The following GPATCH2 variants were observed in gnomAD, a reference collection of about 807,000 sequenced individuals.
GPATCH2 encodes G patch domain-containing protein 2.
GPATCH2 carries 51 observed loss-of-function variants against 58.0 expected under a neutral mutation model. The ratio of observed to expected loss-of-function variants is 0.88; its 90% CI spans 0.70 to 1.11. GPATCH2 has a LOEUF of 1.11. Ranked by LOEUF, GPATCH2 falls within the 50% of genes most tolerant of loss-of-function variation. The pLI is 0.00. For missense variants in GPATCH2, 625 were observed against 652.2 expected (o/e 0.96, Z 0.45); for synonymous variants, 222 against 218.5 (o/e 1.02, Z -0.14).
intron 5 of GPATCH2, chr1:217,608,414 T>C (rs1668462195): frequency 1.0e-6 from 1 of 984,768 alleles, no homozygotes; most frequent in South Asian, 4.7e-5. Flanking sequence ...TGAAACTTCA[T>C]CACCTTTTTA....
chr1:217,535,882 A>C (rs918643534), intron 5 of GPATCH2, among the ~76,000 whole-genome samples: 1 of 152,208 alleles, frequency 6.6e-6, no homozygotes, highest in South Asian at 2.1e-4. Context: ...ATTTCAGATT[A>C]GAAAAATGTT....
chr1:217,610,263 T>C, intron 5 of GPATCH2, 58 bp downstream of exon 5: 1 of 1,498,406 alleles, frequency 6.7e-7, no homozygotes, highest in South Asian at 1.1e-5. Flanking sequence ...TGGCTTTTTA[T>C]TCCATAGAAA....
intron 5 of GPATCH2, among the ~76,000 whole-genome samples, chr1:217,538,078 A>C (rs1042009940): frequency 1.3e-5 from 2 of 152,202 alleles, no homozygotes; most frequent in African/African-American, 2.4e-5. Flanking sequence ...ACTTAGATAG[A>C]TTCCTGTAGG....
At chr1:217,509,779 G>C (rs1260020669) in intron 6 of GPATCH2, among the ~76,000 whole-genome samples, 2 of 152,108 alleles carry the variant, frequency 1.3e-5, no homozygotes, top group Non-Finnish European at 2.9e-5. Flanking sequence ...CAAAGTACAA[G>C]ACAAAGTTTC....
intron 5 of GPATCH2, among the ~76,000 whole-genome samples, chr1:217,569,466 G>A (rs548812800): frequency 2.0e-5 from 3 of 152,146 alleles, no homozygotes; most frequent in South Asian, 4.1e-4. Context: ...AGGCTGAGGC[G>A]GGCAGATCAG....
At chr1:217,559,729 C>T (rs1423150195) in intron 5 of GPATCH2, among the ~76,000 whole-genome samples, 1 of 152,114 alleles carries the variant, frequency 6.6e-6, no homozygotes, top group African/African-American at 2.4e-5. Context: ...CAGCCCAGTT[C>T]AGGGAGAAAC....
chr1:217,563,454 G>A (rs940531659), intron 5 of GPATCH2, among the ~76,000 whole-genome samples: 3 of 152,056 alleles, frequency 2.0e-5, no homozygotes, highest in Non-Finnish European at 4.4e-5. Context: ...CCATGATAGT[G>A]AGACAGAAAA....
intron 5 of GPATCH2, among the ~76,000 whole-genome samples, chr1:217,527,659 T>A (rs1663982840): frequency 6.6e-6 from 1 of 152,158 alleles, no homozygotes; most frequent in African/African-American, 2.4e-5. Context: ...TTGGATACTT[T>A]ATTATGTACA....
intron 2 of GPATCH2, among the ~76,000 whole-genome samples, chr1:217,616,762 G>A (rs893074665): frequency 3.3e-5 from 5 of 152,108 alleles, no homozygotes; most frequent in South Asian, 4.2e-4. Context: ...TTTATAACAC[G>A]GTATTTGGAT....
intron 8 of GPATCH2, among the ~76,000 whole-genome samples, chr1:217,474,858 C>T (rs1290029437): frequency 6.6e-6 from 1 of 151,658 alleles, no homozygotes; most frequent in Admixed American, 6.6e-5. Flanking sequence ...GTCACTCATC[C>T]AAAAGGGGTA....
intron 5 of GPATCH2, among the ~76,000 whole-genome samples, chr1:217,519,776 A>T (rs967212733): frequency 2.6e-5 from 4 of 152,216 alleles, no homozygotes; most frequent in African/African-American, 7.2e-5. Flanking sequence ...TTCTTATTTT[A>T]AATCCAGTAC....
intron 9 of GPATCH2, among the ~76,000 whole-genome samples, chr1:217,443,262 A>G (rs953332609): frequency 2.0e-5 from 3 of 152,172 alleles, no homozygotes; most frequent in Admixed American, 6.5e-5. Context: ...TTTATCCGAA[A>G]TGACTTTATT....
chr1:217,559,621 G>A (rs1665819480), intron 5 of GPATCH2, among the ~76,000 whole-genome samples: 1 of 152,174 alleles, frequency 6.6e-6, no homozygotes, highest in South Asian at 2.1e-4. Flanking sequence ...AGCAGGCAAG[G>A]TGAAAGCAAA....
chr1:217,507,769 T>C (rs1489376320), intron 6 of GPATCH2, among the ~76,000 whole-genome samples: 1 of 152,132 alleles, frequency 6.6e-6, no homozygotes, highest in East Asian at 1.9e-4. Context: ...CCCTAACAGG[T>C]TTAGCATGTT....
intron 8 of GPATCH2, among the ~76,000 whole-genome samples, chr1:217,488,248 T>C (rs1661546795): frequency 6.6e-6 from 1 of 152,210 alleles, no homozygotes. Context: ...AGGTTTTATA[T>C]AATATTACTA....
At position 217,524,260 on chromosome 1, in the gene GPATCH2, C is replaced by T. The variant is rs866740598; in HGVS notation, c.1099-9371G>A. Among the ~76,000 whole-genome samples the T allele has an allele frequency of 1.5e-3, 203 of 133,208 alleles. 3 individuals carry two copies. The highest frequency in any genetic ancestry group is 5.3e-3 in the African/African-American group (194 of 36,626). 87.4% of individuals were successfully genotyped at this position (133,208 alleles called of 152,430 possible). A position where few individuals can be genotyped will look rare whatever the true frequency, so the allele number is the denominator to read the frequency against. ...GCAGAGGGTCTCCTCACTTCTCAGA[C>T]GGGGCGGCCGGGCAGAGACGCTCCT... On this transcript the variant is annotated intron_variant, in intron 5 of 9. Transcript: ENST00000366935.
intron 5 of GPATCH2, among the ~76,000 whole-genome samples, chr1:217,543,833 GAACA>G (rs1246525161): frequency 2.6e-4 from 39 of 152,176 alleles, no homozygotes; most frequent in African/African-American, 9.1e-4. Flanking sequence ...GACAAGAACA[GAACA>G]AACAAAGAAG....
intron 5 of GPATCH2, among the ~76,000 whole-genome samples, chr1:217,586,292 T>C (rs983411192): frequency 4.6e-5 from 7 of 152,340 alleles, no homozygotes; most frequent in Non-Finnish European, 8.8e-5. Flanking sequence ...GCTTAAAACA[T>C]ACATTGCACA....
intron 5 of GPATCH2, among the ~76,000 whole-genome samples, chr1:217,599,518 G>A (rs1330933483): frequency 1.3e-5 from 2 of 152,172 alleles, no homozygotes; most frequent in African/African-American, 4.8e-5. Flanking sequence ...ATGTTACACT[G>A]AAGGACCAAA....
Sources: allele counts gnomAD v4.1 joint callset (sites outside exome capture counted in the v4.1 genomes callset), GRCh38; gene constraint gnomAD v4.1.1; transcripts MANE v1.5; gene names NCBI Gene and HGNC (gene_info 2026-07-23, HGNC 2026-07-21).